RBFOX1: variants seen among roughly 807,000 people sequenced by gnomAD.
The protein encoded by RBFOX1 is RNA binding fox-1 homolog 1, also known as RNA binding protein fox-1 homolog 1.
RBFOX1 carries 8 observed loss-of-function variants against 57.7 expected under a neutral mutation model. The ratio of observed to expected loss-of-function variants is 0.14; its 90% CI spans 0.08 to 0.25. The LOEUF (loss-of-function observed/expected upper bound fraction) is 0.25, where lower values mean the gene tolerates loss of function less well. RBFOX1 is among the 10% of genes least tolerant of loss of function. RBFOX1 has a pLI of 1.00. For synonymous variants in RBFOX1, 326 were observed against 222.4 expected, an observed-to-expected ratio of 1.47 and a Z score of -4.15; for missense variants, 611 against 548.5, an observed-to-expected ratio of 1.11 and a Z score of -1.14.
At chr16:6,571,573 C>A (rs1358520653) in intron 2 of RBFOX1, among the ~76,000 whole-genome samples, 1 of 152,060 alleles carries the variant, frequency 6.6e-6, no homozygotes, top group Non-Finnish European at 1.5e-5. Flanking sequence ...TGATGGAGAA[C>A]ATCAAGGACC....
intron 3 of RBFOX1, among the ~76,000 whole-genome samples, chr16:5,771,791 G>A (rs2053986586): frequency 6.6e-6 from 1 of 152,188 alleles, no homozygotes; most frequent in Non-Finnish European, 1.5e-5. Context: ...TAGGTGCAGT[G>A]TTTGTGTGTG....
At chr16:7,534,373 A>G (rs1429191679) in intron 5 of RBFOX1, among the ~76,000 whole-genome samples, 1 of 151,994 alleles carries the variant, frequency 6.6e-6, no homozygotes, top group East Asian at 1.9e-4. Context: ...GATTACAGGC[A>G]TGAACCACAG....
At chr16:6,169,890 A>G (rs1376567211) in intron 1 of RBFOX1, among the ~76,000 whole-genome samples, 1 of 152,058 alleles carries the variant, frequency 6.6e-6, no homozygotes, top group South Asian at 2.1e-4. Flanking sequence ...TCAGCCTCCC[A>G]AGTAGCTGGG....
chr16:5,418,389 A>T (rs1300419712), intron 1 of RBFOX1, among the ~76,000 whole-genome samples: 1 of 151,898 alleles, frequency 6.6e-6, no homozygotes, highest in Non-Finnish European at 1.5e-5. Context: ...AATACGGAGG[A>T]CCGGGGTGTT....
intron 4 of RBFOX1, among the ~76,000 whole-genome samples, chr16:7,274,275 A>G (rs2095397524): frequency 6.6e-6 from 1 of 152,192 alleles, no homozygotes; most frequent in Non-Finnish European, 1.5e-5. Context: ...TTGTCATTTA[A>G]TCGTCACAAC....
Position 5,687,390 on chromosome 16 carries a change from C to G in RBFOX1, c.318+88429C>G, listed in dbSNP as rs542396202. Among the ~76,000 whole-genome samples the G allele has an allele frequency of 3.3e-5, 5 of 152,198 alleles. No homozygotes were observed. The South Asian group carries it at 1.0e-3, about 32-fold the overall frequency. The stretch of plus-strand genomic sequence containing the variant: ...ATTAGTGGGTAGCCAACTTTGGGCC[C>G]GTCCTTAAACTTTTTAGCTTCCTCC... On this transcript the variant is annotated intron_variant, in intron 3 of 19. Transcript: ENST00000641259.
intron 1 of RBFOX1, among the ~76,000 whole-genome samples, chr16:5,350,537 G>A (rs1423510490): frequency 2.0e-5 from 3 of 152,130 alleles, no homozygotes; most frequent in African/African-American, 7.2e-5. Context: ...TTCTGCAATT[G>A]GCTCCCACTT....
At chr16:5,967,055 G>A (rs1567200638) in intron 4 of RBFOX1, among the ~76,000 whole-genome samples, 2 of 146,260 alleles carry the variant, frequency 1.4e-5, no homozygotes, top group Non-Finnish European at 3.0e-5. Flanking sequence ...TAAGTTTGAT[G>A]GGAAAACAGC....
intron 3 of RBFOX1, among the ~76,000 whole-genome samples, chr16:5,693,127 C>G (rs1042916384): frequency 2.0e-5 from 3 of 152,074 alleles, no homozygotes; most frequent in African/African-American, 4.8e-5. Flanking sequence ...GTGTGAGCAT[C>G]CTGGTGTGAA....
At chr16:6,916,220 C>G (rs1175865983) in intron 3 of RBFOX1, among the ~76,000 whole-genome samples, 3 of 152,106 alleles carry the variant, frequency 2.0e-5, no homozygotes, top group Non-Finnish European at 4.4e-5. Flanking sequence ...ATTCACGGAG[C>G]TGGGACTGAT....
At chr16:5,254,529 C>CAAGCT (rs1255768825) in intron 1 of RBFOX1, among the ~76,000 whole-genome samples, 1 of 151,926 alleles carries the variant, frequency 6.6e-6, no homozygotes, top group African/African-American at 2.4e-5. Context: ...GTCTGCCATG[C>CAAGCT]CCCCCGATCT....
At chr16:7,394,235 C>CAAAAAAAAAAAAAA (rs59934126) in intron 4 of RBFOX1, among the ~76,000 whole-genome samples, 1 of 55,038 alleles carries the variant, frequency 1.8e-5, no homozygotes, top group African/African-American at 8.4e-5. Flanking sequence ...GACTCCGCAT[C>CAAAAAAAAAAAAAA]AAAAAAAAAA....
chr16:6,633,587 C>G lies in RBFOX1; in HGVS notation c.-63-21016C>G, dbSNP rs376715309. Among the ~76,000 whole-genome samples the G allele has an allele frequency of 2.0e-5, 3 of 152,300 alleles. No homozygotes were observed. The East Asian group carries it at 5.8e-4, about 29-fold the overall frequency. On this transcript the variant is annotated intron_variant, in intron 2 of 15. Coordinates refer to ENST00000550418, the MANE Select transcript of RBFOX1 (RefSeq NM_018723.4). Reference sequence around the variant, plus strand: ...GGGATTACAGGCCTGAGACACTGCGCCTGGCCACATGTTCTGGAGTCTTTA... The same window carrying G: ...GGGATTACAGGCCTGAGACACTGCGGCTGGCCACATGTTCTGGAGTCTTTA...
intron 4 of RBFOX1, among the ~76,000 whole-genome samples, chr16:7,226,201 A>C (rs576772386): frequency 6.6e-6 from 1 of 152,310 alleles, no homozygotes; most frequent in African/African-American, 2.4e-5. Flanking sequence ...CCCTGTGCAC[A>C]TCCCTGAGCC....
intron 4 of RBFOX1, among the ~76,000 whole-genome samples, chr16:7,248,984 A>G (rs2094414616): frequency 6.6e-6 from 1 of 152,148 alleles, no homozygotes; most frequent in Non-Finnish European, 1.5e-5. Context: ...AATCCCAGAT[A>G]GGTTTGATTT....
intron 4 of RBFOX1, among the ~76,000 whole-genome samples, chr16:7,054,596 A>T (rs1166919605): frequency 6.6e-6 from 1 of 151,300 alleles, no homozygotes; most frequent in East Asian, 2.0e-4. Context: ...CTGGAAGGTA[A>T]ATACCTGTCC....
Position 7,280,519 on chromosome 16 carries a change from G to T in RBFOX1, c.27+228421G>T, listed in dbSNP as rs2095520465. 3.3e-5 allele frequency among the ~76,000 whole-genome samples: 5 copies of T among 152,192 alleles called. No homozygotes were observed. In the South Asian group the frequency reaches 1.0e-3, roughly 32 times the overall value. ...CTGCCATTAGGTCCTGTGACAGGGAGTCCACATGGAGATCATCATGTGATA... is the reference window on the plus strand; with the variant it reads ...CTGCCATTAGGTCCTGTGACAGGGATTCCACATGGAGATCATCATGTGATA... On this transcript the variant is annotated intron_variant, in intron 4 of 15. Transcript: ENST00000550418.
chr16:6,750,138 C>G (rs947386504), intron 3 of RBFOX1, among the ~76,000 whole-genome samples: 1 of 152,080 alleles, frequency 6.6e-6, no homozygotes, highest in Non-Finnish European at 1.5e-5. Context: ...GTTGTATTTG[C>G]ATTGAGTGGC....
At chr16:6,333,990 TG>T (rs1372909038) in intron 2 of RBFOX1, among the ~76,000 whole-genome samples, 4 of 152,018 alleles carry the variant, frequency 2.6e-5, no homozygotes, top group Admixed American at 6.6e-5. Flanking sequence ...TCTTTTTTGG[TG>T]GGGGTAGGGG....
Sources: allele counts gnomAD v4.1 joint callset (sites outside exome capture counted in the v4.1 genomes callset), GRCh38; gene constraint gnomAD v4.1.1; transcripts MANE v1.5; gene names NCBI Gene and HGNC (gene_info 2026-07-23, HGNC 2026-07-21).